ARFGEF1: variants seen among roughly 807,000 people sequenced by gnomAD.
ARFGEF1 encodes brefeldin A-inhibited guanine nucleotide-exchange protein 1.
ARFGEF1 carries 42 observed loss-of-function variants against 231.0 expected under a neutral mutation model. The observed-to-expected ratio is 0.18, with a 90% CI of 0.14 to 0.24. The LOEUF (loss-of-function observed/expected upper bound fraction) is 0.24, where lower values mean the gene tolerates loss of function less well. Ranked by LOEUF, ARFGEF1 falls within the 10% of genes least tolerant of loss-of-function variation. The pLI is 1.00. For missense variants in ARFGEF1, 1,345 were observed against 2,192.0 expected, an observed-to-expected ratio of 0.61 and a Z score of 7.72; for synonymous variants, 710 against 732.3, an observed-to-expected ratio of 0.97 and a Z score of 0.49.
At chr8:67,286,421 TA>T (rs948615682) in intron 7 of ARFGEF1, among the ~76,000 whole-genome samples, 1 of 152,216 alleles carries the variant, frequency 6.6e-6, no homozygotes, top group African/African-American at 2.4e-5. Flanking sequence ...GAATTTTTTT[TA>T]TAAAGGGTCA....
downstream of ARFGEF1, among the ~76,000 whole-genome samples, chr8:67,193,811 T>A (rs1225215746): frequency 2.6e-5 from 4 of 152,238 alleles, no homozygotes; most frequent in Non-Finnish European, 5.9e-5. Context: ...GGGTGCCCAT[T>A]TTAGAGTGGA....
chr8:67,333,851 C>T (rs1808216674), intron 1 of ARFGEF1, among the ~76,000 whole-genome samples: 1 of 151,984 alleles, frequency 6.6e-6, no homozygotes, highest in African/African-American at 2.4e-5. Context: ...AACAACAGTG[C>T]ATAAGACCAG....
chr8:67,315,669 T>C (rs1807277910), intron 1 of ARFGEF1, among the ~76,000 whole-genome samples: 1 of 151,948 alleles, frequency 6.6e-6, no homozygotes, highest in South Asian at 2.1e-4. Context: ...AAAATAGGAA[T>C]CATGGAGAAA....
intron 33 of ARFGEF1, among the ~76,000 whole-genome samples, chr8:67,213,077 G>A (rs1838807211): frequency 6.6e-6 from 1 of 152,154 alleles, no homozygotes; most frequent in Non-Finnish European, 1.5e-5. Context: ...TATTCTGAAT[G>A]GACGTCAGCA....
chr8:67,211,449 C>T, intron 34 of ARFGEF1, 34 bp downstream of exon 34: 2 of 1,440,070 alleles, frequency 1.4e-6, no homozygotes, highest in Non-Finnish European at 1.8e-6. Flanking sequence ...CTACATAAAA[C>T]ACAAATTTAT....
intron 22 of ARFGEF1, among the ~76,000 whole-genome samples, chr8:67,235,498 G>T (rs1839698445): frequency 6.6e-6 from 1 of 152,134 alleles, no homozygotes; most frequent in African/African-American, 2.4e-5. Context: ...ATGTGACAAA[G>T]CCATTGAATT....
rs62513128 is a variant in ARFGEF1 at position 67,203,523 on chromosome 8, T to C, written c.4960-272A>G. On this transcript the variant is annotated intron_variant, in intron 35 of 38. Coordinates refer to ENST00000262215, the MANE Select transcript of ARFGEF1 (RefSeq NM_006421.5). ...TCCTCCCTTCTCTTCTCAACTGCTA[T>C]GGAGTCCATGCATCATTTTAATTAT... Among the ~76,000 whole-genome samples, 538 of 152,354 alleles carry C rather than the reference T, an allele frequency of 3.5e-3. 2 individuals are homozygous for C. Among genetic ancestry groups the C allele is most frequent in the Non-Finnish European group, 5.9e-3 (402 of 68,028 alleles).
At chr8:67,231,678 CTCTGCAGT>C (rs1839558586) in intron 23 of ARFGEF1, among the ~76,000 whole-genome samples, 1 of 152,066 alleles carries the variant, frequency 6.6e-6, no homozygotes, top group Admixed American at 6.6e-5. Flanking sequence ...TATTACATAG[CTCTGCAGT>C]AGTACATGCA....
chr8:67,240,319 T>G lies in ARFGEF1; in HGVS notation c.2851-29A>C, dbSNP rs762949439. 4 of 1,561,392 alleles carry G rather than the reference T, an allele frequency of 2.6e-6. No homozygotes were observed. The South Asian group carries it at 4.8e-5, about 19-fold the overall frequency. ...CAAAAATTAAAAATTGTATTTTAAT[T>G]AAAGATTATGATAACACATTAAAAT... On this transcript the variant is annotated intron_variant, in intron 19 of 38. Transcript: ENST00000262215.
chr8:67,256,025 CA>C (rs1005034317), intron 17 of ARFGEF1, among the ~76,000 whole-genome samples: 2 of 152,086 alleles, frequency 1.3e-5, no homozygotes, highest in African/African-American at 4.8e-5. Context: ...TTTAGAGAAC[CA>C]AATGTCTTTT....
At position 67,271,690 on chromosome 8, in the gene ARFGEF1, T is replaced by C; in HGVS notation, c.1572+12A>G. ...ATCCAATAGTAACATTATGCCTAAA[T>C]GCAAAACGTACCTCAATTTGCATCT... On this transcript the variant is annotated intron_variant, in intron 10 of 38. Transcript: ENST00000262215. 2 of 1,572,486 alleles carry C rather than the reference T, an allele frequency of 1.3e-6. No homozygotes were observed. Among genetic ancestry groups the C allele is most frequent in the Admixed American group, 3.4e-5 (2 of 58,828 alleles).
intron 7 of ARFGEF1, among the ~76,000 whole-genome samples, chr8:67,286,422 A>T (rs1233180306): frequency 1.3e-5 from 2 of 152,148 alleles, no homozygotes; most frequent in Non-Finnish European, 2.9e-5. Context: ...AATTTTTTTT[A>T]TAAAGGGTCA....
intron 1 of ARFGEF1, among the ~76,000 whole-genome samples, chr8:67,317,043 C>A (rs1177164280): frequency 6.6e-6 from 1 of 152,136 alleles, no homozygotes; most frequent in East Asian, 1.9e-4. Context: ...AACACCCCAA[C>A]AAAAACCCTG....
intron 14 of ARFGEF1, among the ~76,000 whole-genome samples, chr8:67,260,362 T>C (rs1438114659): frequency 5.9e-5 from 9 of 152,194 alleles, no homozygotes; most frequent in Non-Finnish European, 1.0e-4. Flanking sequence ...CAACCCTGCA[T>C]TGAGGGTCTA....
chr8:67,337,816 G>A (rs1378156182), intron 1 of ARFGEF1, among the ~76,000 whole-genome samples: 2 of 152,016 alleles, frequency 1.3e-5, no homozygotes, highest in Non-Finnish European at 2.9e-5. Context: ...ATGATATAAG[G>A]TTGTTACTAT....
intron 10 of ARFGEF1, among the ~76,000 whole-genome samples, chr8:67,270,806 C>A (rs1200911547): frequency 6.6e-6 from 1 of 150,858 alleles, no homozygotes; most frequent in Non-Finnish European, 1.5e-5. Flanking sequence ...GGACAGATCA[C>A]CTGAGGTCGG....
At chr8:67,312,233 TA>T (rs796810454) in intron 1 of ARFGEF1, among the ~76,000 whole-genome samples, 2,222 of 86,184 alleles carry the variant, frequency 0.026, 64 homozygotes, top group African/African-American at 0.09. Flanking sequence ...GAATTATCAA[TA>T]AAAAAAAAAT....
At chr8:67,185,830 A>G (rs1294173952) in intron 5 of ARFGEF1, among the ~76,000 whole-genome samples, 2 of 152,196 alleles carry the variant, frequency 1.3e-5, no homozygotes, top group Non-Finnish European at 2.9e-5. Flanking sequence ...GAAATGCATA[A>G]AAGTCAAATC....
At chr8:67,211,654 T>A in intron 33 of ARFGEF1, 39 bp from the exon 34 acceptor site, 1 of 1,258,270 alleles carries the variant, frequency 7.9e-7, no homozygotes, top group Non-Finnish European at 1.1e-6. Flanking sequence ...GTATGGTTAA[T>A]AAAGTTTATG....
Sources: gnomAD v4.1 joint callset for allele counts (sites outside exome capture counted in the v4.1 genomes callset) on GRCh38, gnomAD v4.1.1 for gene constraint, MANE v1.5 for transcripts, NCBI Gene and HGNC (gene_info 2026-07-23, HGNC 2026-07-21) for gene names.